Variants in XXYLT1 observed in about 807,000 individuals in gnomAD.
The protein encoded by XXYLT1 is UDP-xylose:alpha-xyloside alpha-1,3-xylosyltransferase.
In XXYLT1, 20 loss-of-function variants were observed where a neutral mutation model predicts 28.9. The ratio of observed to expected loss-of-function variants is 0.69; its 90% CI spans 0.49 to 1.00. The LOEUF (loss-of-function observed/expected upper bound fraction) is 1.00, where lower values mean the gene tolerates loss of function less well. Among genes scored for constraint, XXYLT1 ranks in the 50% least tolerant of loss-of-function variants. The pLI, the probability that XXYLT1 is intolerant of heterozygous loss-of-function variation, is 0.00. For missense variants in XXYLT1, 542 were observed against 560.1 expected (o/e 0.97, Z 0.33); for synonymous variants, 257 against 253.8 (o/e 1.01, Z -0.12).
Position 195,180,406 on chromosome 3 carries a change from C to G in XXYLT1, c.653-23825G>C. On this transcript the variant is annotated intron_variant, in intron 2 of 3. Transcript: ENST00000310380. This position sits in a 1 kb window ranked among gnomAD's most constrained non-coding sequence, Gnocchi z 5.8. Reference sequence around the variant, plus strand: ...CAAGACACACTTCCTTCGGCTGCAGCCTCGCCGATTCCCGAGCTGTTTCCT... The same window carrying G: ...CAAGACACACTTCCTTCGGCTGCAGGCTCGCCGATTCCCGAGCTGTTTCCT... 5.1e-6 allele frequency: 5 copies of G among 985,674 alleles called. No homozygotes were observed. Among genetic ancestry groups the G allele is most frequent in the South Asian group, 4.7e-5 (1 of 21,290 alleles). The allele number at this position is 985,674 out of a possible 1,614,324, so 61.1% of individuals were successfully genotyped here.
rs1427204050 is a variant in XXYLT1 at position 195,255,604 on chromosome 3, G to C, written c.504+14951C>G. On this transcript the variant is annotated intron_variant, in intron 1 of 3. Transcript: ENST00000310380. The surrounding 1 kb of genome is among the most constrained non-coding windows in gnomAD (Gnocchi z 4.5). Reference sequence around the variant, plus strand: ...TGTCAGGCTAGAAACCAAAACAGAAGACAAACCGGCGCACAGAGCAAGCAC... The same window carrying C: ...TGTCAGGCTAGAAACCAAAACAGAACACAAACCGGCGCACAGAGCAAGCAC... Among the ~76,000 whole-genome samples the C allele has an allele frequency of 6.6e-6, 1 of 152,220 alleles. No individual in the cohort carries two copies. Among genetic ancestry groups the C allele is most frequent in the Non-Finnish European group, 1.5e-5 (1 of 68,042 alleles).
At chr3:195,140,446 T>C (rs190447652) in intron 3 of XXYLT1, among the ~76,000 whole-genome samples, 227 of 152,332 alleles carry the variant, frequency 1.5e-3, no homozygotes, top group Middle Eastern at 3.4e-3. Flanking sequence ...TGTTGATGTC[T>C]ACATTAGTCT....
At chr3:195,073,440 T>C (rs1269989431) in intron 3 of XXYLT1, among the ~76,000 whole-genome samples, 1 of 152,134 alleles carries the variant, frequency 6.6e-6, no homozygotes, top group Non-Finnish European at 1.5e-5. Context: ...GGTATTTGGT[T>C]CTGAGTCCTG....
At chr3:195,141,677 AGAACCCTTGCC>A (rs1719499033) in intron 3 of XXYLT1, among the ~76,000 whole-genome samples, 1 of 152,192 alleles carries the variant, frequency 6.6e-6, no homozygotes, top group Non-Finnish European at 1.5e-5. Flanking sequence ...AGCAAATCTC[AGAACCCTTGCC>A]AGCCAGCGCC....
At chr3:195,097,593 C>G (rs986203316) in intron 3 of XXYLT1, among the ~76,000 whole-genome samples, 2 of 152,164 alleles carry the variant, frequency 1.3e-5, no homozygotes, top group African/African-American at 4.8e-5. Flanking sequence ...GAGTCAAAGC[C>G]CCCCAGCTAG....
chr3:195,154,286 C>G (rs1422034945), intron 3 of XXYLT1, among the ~76,000 whole-genome samples: 4 of 152,104 alleles, frequency 2.6e-5, no homozygotes, highest in African/African-American at 9.7e-5. Flanking sequence ...GGTAAGATTT[C>G]AGGAGTTGGG....
intron 2 of XXYLT1, among the ~76,000 whole-genome samples, chr3:195,190,132 C>CAA (rs763683271): frequency 1.4e-5 from 2 of 142,900 alleles, no homozygotes; most frequent in African/African-American, 5.7e-5. Flanking sequence ...TTCAAAAATG[C>CAA]AAAAAAAAAG....
chr3:195,191,126 A>G (rs1034651446), intron 2 of XXYLT1, among the ~76,000 whole-genome samples: 1 of 152,220 alleles, frequency 6.6e-6, no homozygotes, highest in Non-Finnish European at 1.5e-5. Context: ...TAAAAAGTAT[A>G]CTTAAACTAC....
At chr3:195,131,058 C>G (rs1278881640) in intron 3 of XXYLT1, among the ~76,000 whole-genome samples, 1 of 149,000 alleles carries the variant, frequency 6.7e-6, no homozygotes, top group East Asian at 2.1e-4. Context: ...TCCCTCGTGC[C>G]CTCTACGGCC....
rs1274899438 is a variant in XXYLT1 at position 195,076,947 on chromosome 3, G to C, written c.786-6836C>G. Among the ~76,000 whole-genome samples the C allele has an allele frequency of 6.6e-6, 1 of 152,178 alleles. No homozygotes were observed. The highest frequency in any genetic ancestry group is 1.5e-5 in the Non-Finnish European group (1 of 68,034). ...ACAAAAGGTGACACTCAGAAGTGCT[G>C]GGGGCTAGGATTTCTGCAGAGGAAT... On this transcript the variant is annotated intron_variant, in intron 3 of 3. Transcript: ENST00000310380. The surrounding 1 kb of genome is among the most constrained non-coding windows in gnomAD (Gnocchi z 5.3).
intron 3 of XXYLT1, among the ~76,000 whole-genome samples, chr3:195,134,865 G>A (rs1719098543): frequency 9.9e-6 from 1 of 100,738 alleles, no homozygotes; most frequent in African/African-American, 4.0e-5. Context: ...GTGTGTGTGT[G>A]TGTGCGTGTG....
rs1253161543 is a variant in XXYLT1, at chr3:195,076,277, T to C, written c.786-6166A>G. On this transcript the variant is annotated intron_variant, in intron 3 of 3. Coordinates refer to ENST00000310380, the MANE Select transcript of XXYLT1 (RefSeq NM_152531.5). This position sits in a 1 kb window ranked among gnomAD's most constrained non-coding sequence, Gnocchi z 5.3. ...GTGCACAGCTTTAATCAGGACAGTGTTACCACCCACCCCACACCCACCCGT... is the reference window on the plus strand; with the variant it reads ...GTGCACAGCTTTAATCAGGACAGTGCTACCACCCACCCCACACCCACCCGT... 7.0e-6 allele frequency among the ~76,000 whole-genome samples: 1 copy of C among 142,912 alleles called. No individual in the cohort carries two copies. The highest frequency in any genetic ancestry group is 2.8e-5 in the African/African-American group (1 of 35,658). The allele number at this position is 142,912 out of a possible 152,430, so 93.8% of individuals were successfully genotyped here. A position where few individuals can be genotyped will look rare whatever the true frequency, so the allele number is the denominator to read the frequency against.
At chr3:195,250,574 A>G (rs1360158226) in intron 1 of XXYLT1, among the ~76,000 whole-genome samples, 1 of 151,982 alleles carries the variant, frequency 6.6e-6, no homozygotes, top group Non-Finnish European at 1.5e-5. Context: ...CAAAAAAAAA[A>G]AAAAAACACT....
chr3:195,204,557 T>C (rs1325528294), intron 2 of XXYLT1, among the ~76,000 whole-genome samples: 2 of 151,548 alleles, frequency 1.3e-5, no homozygotes, highest in African/African-American at 4.9e-5. Flanking sequence ...GCCAGCCAGG[T>C]CAGGGATGAA....
At chr3:195,136,594 G>T (rs1044183117) in intron 3 of XXYLT1, among the ~76,000 whole-genome samples, 1 of 152,128 alleles carries the variant, frequency 6.6e-6, no homozygotes, top group Non-Finnish European at 1.5e-5. Context: ...AACCACCTGC[G>T]TTCTTATGTC....
At chr3:195,260,578 G>A (rs1560181060) in intron 1 of XXYLT1, among the ~76,000 whole-genome samples, 1 of 152,228 alleles carries the variant, frequency 6.6e-6, no homozygotes, top group African/African-American at 2.4e-5. Flanking sequence ...AGGAGGCGAA[G>A]CCCCCTAGGA....
intron 3 of XXYLT1, among the ~76,000 whole-genome samples, chr3:195,097,246 C>A (rs533175171): frequency 2.6e-5 from 4 of 152,328 alleles, no homozygotes; most frequent in African/African-American, 9.6e-5. Context: ...AGAATACATA[C>A]ACAGACAGAC....
Position 195,210,555 on chromosome 3 carries a change from G to C in XXYLT1, c.652+16154C>G, listed in dbSNP as rs1481129902. 6.6e-6 allele frequency among the ~76,000 whole-genome samples: 1 copy of C among 151,184 alleles called. No individual in the cohort carries two copies. The highest frequency in any genetic ancestry group is 1.5e-5 in the Non-Finnish European group (1 of 68,002). ...ATTAAAAGACAGAATCTAATGAAGG[G>C]GACCAAAACGGGAAATATTACTGTT... On this transcript the variant is annotated intron_variant, in intron 2 of 3. Coordinates refer to ENST00000310380, the MANE Select transcript of XXYLT1 (RefSeq NM_152531.5). The surrounding 1 kb of genome is among the most constrained non-coding windows in gnomAD (Gnocchi z 4.8).
rs1194184861 is a variant in XXYLT1 at position 195,248,488 on chromosome 3, A to G, written c.505-21632T>C. Among the ~76,000 whole-genome samples the G allele has an allele frequency of 3.9e-5, 6 of 152,114 alleles. No homozygotes were observed. In the East Asian group the frequency reaches 1.2e-3, roughly 29 times the overall value. ...AGCTCCCGCTTCCCTGAACAACAAC[A>G]CCACCACAAAAGACGGGAGTTTCTC... is the stretch of plus-strand genomic sequence containing the variant. On this transcript the variant is annotated intron_variant, in intron 1 of 3. Coordinates refer to ENST00000310380, the MANE Select transcript of XXYLT1 (RefSeq NM_152531.5).
Sources: allele counts gnomAD v4.1 joint callset (sites outside exome capture counted in the v4.1 genomes callset), GRCh38; gene constraint gnomAD v4.1.1; non-coding constraint Gnocchi (gnomAD v3.1); transcripts MANE v1.5; gene names NCBI Gene and HGNC (gene_info 2026-07-23, HGNC 2026-07-21).